RBFOX1: variants seen among roughly 807,000 people sequenced by gnomAD.
The protein encoded by RBFOX1 is RNA binding fox-1 homolog 1.
A neutral mutation model predicts 57.7 loss-of-function variants in RBFOX1; 8 were observed. The ratio of observed to expected loss-of-function variants is 0.14; its 90% CI spans 0.08 to 0.25. The LOEUF (loss-of-function observed/expected upper bound fraction) is 0.25. RBFOX1 is among the 10% of genes least tolerant of loss of function. The probability of loss-of-function intolerance (pLI) is 1.00; values close to 1 mark genes in which losing one functional copy is unlikely to be tolerated. For missense variants in RBFOX1, 611 were observed against 548.5 expected, an observed-to-expected ratio of 1.11 and a Z score of -1.14; for synonymous variants, 326 against 222.4, an observed-to-expected ratio of 1.47 and a Z score of -4.15.
intron 5 of RBFOX1, among the ~76,000 whole-genome samples, chr16:7,574,300 T>A (rs1473801353): frequency 1.3e-5 from 2 of 152,174 alleles, no homozygotes; most frequent in East Asian, 3.9e-4. Context: ...GACACCTGTA[T>A]CAGGGTTCTC....
At chr16:6,568,445 G>C (rs921537726) in intron 2 of RBFOX1, among the ~76,000 whole-genome samples, 7 of 152,152 alleles carry the variant, frequency 4.6e-5, no homozygotes, top group Admixed American at 2.0e-4. Context: ...GGAGAGAAAA[G>C]GGAGAAAGAA....
At chr16:7,160,158 G>T (rs992848772) in intron 4 of RBFOX1, among the ~76,000 whole-genome samples, 1 of 151,086 alleles carries the variant, frequency 6.6e-6, no homozygotes, top group Non-Finnish European at 1.5e-5. Flanking sequence ...GGAATTCTGA[G>T]GATTCTTGGT....
At chr16:6,853,285 A>T (rs761957292) in intron 3 of RBFOX1, among the ~76,000 whole-genome samples, 8 of 152,100 alleles carry the variant, frequency 5.3e-5, no homozygotes, top group Non-Finnish European at 1.0e-4. Context: ...TAATTATTAT[A>T]TTCTTGTTTT....
rs555437514 is a variant in RBFOX1 at position 5,730,038 on chromosome 16, A to G, written c.318+131077A>G. ...CAAATCCTGCCTTCATCTAGACTCA[A>G]TTCCACTTTGAGTATCACACAGTGC... On this transcript the variant is annotated intron_variant, in intron 3 of 19. Transcript: ENST00000641259. 8.5e-5 allele frequency among the ~76,000 whole-genome samples: 13 copies of G among 152,276 alleles called. No individual in the cohort carries two copies. The East Asian group carries it at 2.3e-3, about 27-fold the overall frequency.
intron 4 of RBFOX1, among the ~76,000 whole-genome samples, chr16:5,937,822 T>C (rs957765470): frequency 3.3e-5 from 5 of 150,240 alleles, no homozygotes; most frequent in African/African-American, 1.2e-4. Context: ...AAATATATGT[T>C]CATAGTATAC....
At chr16:6,159,800 G>A (rs1200805739) in intron 1 of RBFOX1, among the ~76,000 whole-genome samples, 1 of 152,226 alleles carries the variant, frequency 6.6e-6, no homozygotes. Flanking sequence ...AAAAATGACA[G>A]AAGACTGACT....
intron 2 of RBFOX1, among the ~76,000 whole-genome samples, chr16:6,487,701 ATATATATATATAT>A (rs1425765221): frequency 1.1e-3 from 5 of 4,504 alleles, no homozygotes; most frequent in African/African-American, 3.0e-3. Context: ...AAAAAAAAAA[ATATATATATATAT>A]ATATATATAT....
chr16:6,479,814 C>T (rs1378342459), intron 2 of RBFOX1, among the ~76,000 whole-genome samples: 2 of 151,970 alleles, frequency 1.3e-5, no homozygotes, highest in East Asian at 1.9e-4. Flanking sequence ...CTTTGGGAGG[C>T]CGAGGCAGGC....
chr16:6,475,811 G>A (rs1007054938), intron 2 of RBFOX1, among the ~76,000 whole-genome samples: 1 of 152,166 alleles, frequency 6.6e-6, no homozygotes, highest in Non-Finnish European at 1.5e-5. Flanking sequence ...TAATATTACT[G>A]TATTGTGAGG....
intron 3 of RBFOX1, among the ~76,000 whole-genome samples, chr16:6,872,497 C>G (rs749241546): frequency 1.3e-5 from 2 of 152,144 alleles, no homozygotes; most frequent in Non-Finnish European, 2.9e-5. Context: ...TTTCAGGCTT[C>G]CCTGAATTCC....
At chr16:6,290,592 G>T (rs1408310157) in intron 1 of RBFOX1, among the ~76,000 whole-genome samples, 1 of 148,860 alleles carries the variant, frequency 6.7e-6, no homozygotes, top group Admixed American at 6.7e-5. Context: ...AAGGGACATG[G>T]ACAACATAGC....
At chr16:5,288,631 T>C (rs993997084) in intron 1 of RBFOX1, among the ~76,000 whole-genome samples, 4 of 5,428 alleles carry the variant, frequency 7.4e-4, no homozygotes, top group South Asian at 0.015. Context: ...CCTTTCCTTT[T>C]CTTTTTTTTT....
chr16:5,943,565 A>G (rs1173900309), intron 4 of RBFOX1, among the ~76,000 whole-genome samples: 1 of 152,172 alleles, frequency 6.6e-6, no homozygotes, highest in Non-Finnish European at 1.5e-5. Context: ...GGGAGACCCT[A>G]AGTCCTTTAT....
At chr16:5,784,836 G>A (rs914809460) in intron 3 of RBFOX1, among the ~76,000 whole-genome samples, 3 of 152,102 alleles carry the variant, frequency 2.0e-5, no homozygotes, top group African/African-American at 7.2e-5. Context: ...TGAACCAGGA[G>A]GTAAGTCCTT....
chr16:6,577,383 T>G (rs1310022291), intron 2 of RBFOX1: 4 of 152,240 alleles, frequency 2.6e-5, no homozygotes. Context: ...AGTAGGAGCT[T>G]ATTAAATATA....
At chr16:6,725,803 C>G (rs2067049197) in intron 3 of RBFOX1, among the ~76,000 whole-genome samples, 1 of 152,070 alleles carries the variant, frequency 6.6e-6, no homozygotes. Context: ...TTTTCTGGCG[C>G]CGTGTGTGCT....
intron 3 of RBFOX1, among the ~76,000 whole-genome samples, chr16:6,870,879 G>T (rs1460216216): frequency 6.6e-6 from 1 of 152,124 alleles, no homozygotes. Context: ...AACTTTGAGA[G>T]ACTTGAATTA....
chr16:5,753,841 A>T (rs1359371408), intron 3 of RBFOX1, among the ~76,000 whole-genome samples: 2 of 151,668 alleles, frequency 1.3e-5, no homozygotes, highest in Non-Finnish European at 2.9e-5. Flanking sequence ...TGTGTTGAGG[A>T]TATAGAGTTT....
At chr16:6,571,627 C>T (rs1394824622) in intron 2 of RBFOX1, among the ~76,000 whole-genome samples, 1 of 152,050 alleles carries the variant, frequency 6.6e-6, no homozygotes, top group Non-Finnish European at 1.5e-5. Flanking sequence ...GTAATCAGCT[C>T]ATTACAGAGA....
Sources: gnomAD v4.1 joint callset for allele counts (sites outside exome capture counted in the v4.1 genomes callset) on GRCh38, gnomAD v4.1.1 for gene constraint, MANE v1.5 for transcripts, NCBI Gene and HGNC (gene_info 2026-07-23, HGNC 2026-07-21) for gene names.